The following MYO9A variants were observed in gnomAD, a reference collection of about 807,000 sequenced individuals.
The protein encoded by MYO9A is unconventional myosin-IXa.
MYO9A carries 103 observed loss-of-function variants against 293.3 expected under a neutral mutation model. The ratio of observed to expected loss-of-function variants is 0.35; its 90% CI spans 0.30 to 0.41. The LOEUF is 0.41. Among genes scored for constraint, MYO9A ranks in the 10% least tolerant of loss-of-function variants. MYO9A has a pLI of 1.00. For synonymous variants in MYO9A, 1,001 were observed against 1,035.7 expected (o/e 0.97, Z 0.64); for missense variants, 2,685 against 3,033.0 (o/e 0.89, Z 2.69).
chr15:72,059,755 T>C (rs763934260), intron 1 of MYO9A, among the ~76,000 whole-genome samples: 20 of 152,208 alleles, frequency 1.3e-4, no homozygotes, highest in Non-Finnish European at 2.6e-4. Context: ...CTTTTCTAAA[T>C]GTTCAGGAAA....
intron 28 of MYO9A, among the ~76,000 whole-genome samples, chr15:71,881,221 G>A (rs1393867066): frequency 1.3e-5 from 2 of 151,966 alleles, no homozygotes; most frequent in African/African-American, 4.8e-5. Flanking sequence ...TTACAACGGA[G>A]AAATTAGATT....
Position 71,826,932 on chromosome 15 carries a change from GAAGAGTCCACGACATCT to G in MYO9A, c.7278_7294del (p.Leu2426PhefsTer9). 1.2e-6 allele frequency: 2 copies of G among 1,614,056 alleles called. No homozygotes were observed. The highest frequency in any genetic ancestry group is 1.7e-6 in the Non-Finnish European group (2 of 1,179,946). ...GTTAGACAGACATAAAGAGGAGACC[GAAGAGTCCACGACATCT>G]AAAGAGTCTTGCTGCTTTTTAAGTT... On this transcript the variant is annotated frameshift_variant, in exon 42 of 42. Transcript: ENST00000356056. LOFTEE classifies it high-confidence loss of function.
intron 12 of MYO9A, among the ~76,000 whole-genome samples, chr15:71,971,102 A>G (rs1028750882): frequency 1.3e-5 from 2 of 151,982 alleles, no homozygotes; most frequent in African/African-American, 4.8e-5. Context: ...CAGAGCTTGC[A>G]GTGAGCTGAG....
intron 1 of MYO9A, among the ~76,000 whole-genome samples, chr15:72,050,897 C>T (rs2078540647): frequency 6.6e-6 from 1 of 152,176 alleles, no homozygotes; most frequent in African/African-American, 2.4e-5. Flanking sequence ...TTTTAACACA[C>T]CACACTATGG....
At chr15:71,866,623 T>A (rs1255838379) in intron 32 of MYO9A, among the ~76,000 whole-genome samples, 1 of 152,018 alleles carries the variant, frequency 6.6e-6, no homozygotes, top group African/African-American at 2.4e-5. Flanking sequence ...ATAATAAAGA[T>A]GTCAGTTCTC....
At position 71,826,433 on chromosome 15, in the gene MYO9A, TCAG is replaced by T. The variant is rs2054503509; in HGVS notation, c.*144_*146del. ...CTGCTTCTGCAGGAGGCCCAGGAAT[TCAG>T]CACATACAGTCTTAGCCATATGCTT... On this transcript the variant is annotated 3_prime_UTR_variant, in exon 42 of 42. Transcript: ENST00000356056. The T allele has an allele frequency of 1.3e-6, 1 of 743,328 alleles. No individual in the cohort carries two copies. Among genetic ancestry groups the T allele is most frequent in the African/African-American group, 1.8e-5 (1 of 56,398 alleles). The allele number at this position is 743,328 out of a possible 1,614,324, so 46.0% of individuals were successfully genotyped here. A position where few individuals can be genotyped will look rare whatever the true frequency, so the allele number is the denominator to read the frequency against.
chr15:71,893,586 A>C lies in MYO9A; in HGVS notation c.5142+93T>G, dbSNP rs933023647. ...TAAAAACACTTGGGAGTAAATGGGT[A>C]GATGAGGTGCTCTACCTACAAGAAT... is the stretch of plus-strand genomic sequence containing the variant. On this transcript the variant is annotated intron_variant, in intron 26 of 41. Coordinates refer to ENST00000356056, the MANE Select transcript of MYO9A (RefSeq NM_006901.4). 9.7e-6 allele frequency: 9 copies of C among 931,524 alleles called. No individual in the cohort carries two copies. In the African/African-American group the frequency reaches 1.5e-4, roughly 15 times the overall value. The allele number at this position is 931,524 out of a possible 1,614,324, so 57.7% of individuals were successfully genotyped here. A position where few individuals can be genotyped will look rare whatever the true frequency, so the allele number is the denominator to read the frequency against.
chr15:72,057,535 G>C (rs1336667665), intron 1 of MYO9A, among the ~76,000 whole-genome samples: 1 of 152,128 alleles, frequency 6.6e-6, no homozygotes, highest in African/African-American at 2.4e-5. Flanking sequence ...CCCAGATAAG[G>C]GAGAAGAGAG....
intron 13 of MYO9A, among the ~76,000 whole-genome samples, chr15:71,966,589 G>T (rs556155467): frequency 6.6e-6 from 1 of 152,132 alleles, no homozygotes; most frequent in African/African-American, 2.4e-5. Flanking sequence ...TCTAGCCAGA[G>T]GTCACTTACT....
chr15:72,020,632 C>T (rs1268289801), intron 5 of MYO9A, among the ~76,000 whole-genome samples: 1 of 152,080 alleles, frequency 6.6e-6, no homozygotes, highest in Non-Finnish European at 1.5e-5. Flanking sequence ...AAAAGTAAAG[C>T]ATTTTTCTAA....
intron 1 of MYO9A, among the ~76,000 whole-genome samples, chr15:72,050,500 C>T (rs1345462648): frequency 1.3e-5 from 2 of 151,974 alleles, no homozygotes; most frequent in East Asian, 1.9e-4. Context: ...CCAGCTACTC[C>T]GGAGGCTGAG....
Position 71,902,802 on chromosome 15 carries a change from A to C in MYO9A, c.3000+139T>G, listed in dbSNP as rs560596684. The C allele has an allele frequency of 4.8e-6, 3 of 627,174 alleles. No homozygotes were observed. The Admixed American group carries it at 1.1e-4, about 24-fold the overall frequency. The allele number at this position is 627,174 out of a possible 1,614,324, so 38.9% of individuals were successfully genotyped here. Reference sequence around the variant, plus strand: ...TGTGATTAATATTGACTACATAATTAAATAAAAACCTGGGCCTAACCAATT... The same window carrying C: ...TGTGATTAATATTGACTACATAATTCAATAAAAACCTGGGCCTAACCAATT... On this transcript the variant is annotated intron_variant, in intron 22 of 41. Coordinates refer to ENST00000356056, the MANE Select transcript of MYO9A (RefSeq NM_006901.4).
chr15:71,841,747 C>A (rs1054042893), intron 39 of MYO9A, among the ~76,000 whole-genome samples: 1 of 151,528 alleles, frequency 6.6e-6, no homozygotes, highest in Non-Finnish European at 1.5e-5. Context: ...GTGATTTTCT[C>A]ATCTCAGCCT....
At chr15:72,048,493 G>A (rs966313686) in intron 1 of MYO9A, among the ~76,000 whole-genome samples, 1 of 152,078 alleles carries the variant, frequency 6.6e-6, no homozygotes, top group African/African-American at 2.4e-5. Context: ...TTGGAGTGAA[G>A]AAAATTAACA....
rs765264146 is a variant in MYO9A, at chr15:71,906,758, C to CTTTCTTTTTTTTTTTTTTTT, written c.2686-1753_2686-1752insAAAAAAAAAAAAAAAAGAAA. The stretch of plus-strand genomic sequence containing the variant: ...CCAATCAGATAATATCCATTTCTTT[C>CTTTCTTTTTTTTTTTTTTTT]TTTTTTTTTTTTTTTTTTTTCCTGA... On this transcript the variant is annotated intron_variant, in intron 19 of 41. Coordinates refer to ENST00000356056, the MANE Select transcript of MYO9A (RefSeq NM_006901.4). 2.8e-4 allele frequency among the ~76,000 whole-genome samples: 17 copies of CTTTCTTTTTTTTTTTTTTTT among 61,032 alleles called. 2 individuals carry two copies. Among genetic ancestry groups the CTTTCTTTTTTTTTTTTTTTT allele is most frequent in the South Asian group, 7.0e-4 (1 of 1,432 alleles). The allele number at this position is 61,032 out of a possible 152,430, so 40.0% of individuals were successfully genotyped here.
chr15:71,963,286 T>C (rs2075789097), intron 13 of MYO9A, among the ~76,000 whole-genome samples: 1 of 152,070 alleles, frequency 6.6e-6, no homozygotes, highest in Non-Finnish European at 1.5e-5. Flanking sequence ...GGCCTTCCCA[T>C]GTTCCCCAGG....
chr15:72,101,221 C>G (rs2080298054), intron 1 of MYO9A, among the ~76,000 whole-genome samples: 1 of 135,232 alleles, frequency 7.4e-6, no homozygotes, highest in Non-Finnish European at 1.6e-5. Flanking sequence ...GCCCGGCCAG[C>G]CGCCCCGTCC....
intron 1 of MYO9A, among the ~76,000 whole-genome samples, chr15:72,066,484 CAAAA>C (rs369900151): frequency 1.1e-5 from 1 of 88,692 alleles, no homozygotes. Context: ...GACTTGGTCT[CAAAA>C]AAAAAAAAAA....
At chr15:72,019,293 A>G (rs2149167252) in intron 5 of MYO9A, among the ~76,000 whole-genome samples, 198 bp from the exon 6 acceptor site, 1 of 152,314 alleles carries the variant, frequency 6.6e-6, no homozygotes, top group South Asian at 2.1e-4. Flanking sequence ...CATATATACC[A>G]TGGGCTCCAG....
Sources: allele counts gnomAD v4.1 joint callset (sites outside exome capture counted in the v4.1 genomes callset), GRCh38; gene constraint gnomAD v4.1.1; transcripts MANE v1.5; gene names NCBI Gene and HGNC (gene_info 2026-07-23, HGNC 2026-07-21).